EYS: variants seen among roughly 807,000 people sequenced by gnomAD.
EYS encodes the protein protein eyes shut homolog.
EYS carries 250 observed loss-of-function variants against 282.1 expected under a neutral mutation model. The ratio of observed to expected loss-of-function variants is 0.89; its 90% CI spans 0.80 to 0.98. The LOEUF (loss-of-function observed/expected upper bound fraction) is 0.98, where lower values mean the gene tolerates loss of function less well. Among genes scored for constraint, EYS ranks in the 50% least tolerant of loss-of-function variants. EYS has a pLI of 0.00. For synonymous variants in EYS, 1,355 were observed against 1,282.9 expected (o/e 1.06, Z -1.20); for missense variants, 4,016 against 3,709.0 (o/e 1.08, Z -2.15).
At chr6:64,455,435 A>T (rs1028244337) in intron 26 of EYS, among the ~76,000 whole-genome samples, 4 of 138,046 alleles carry the variant, frequency 2.9e-5, no homozygotes, top group Admixed American at 7.3e-5. Context: ...CTTTTGTTTT[A>T]TTATTATTAT....
chr6:64,151,360 T>TATATAA (rs1562226824), intron 31 of EYS, among the ~76,000 whole-genome samples: 1 of 116,914 alleles, frequency 8.6e-6, no homozygotes, highest in Non-Finnish European at 1.7e-5. Context: ...TATATATATA[T>TATATAA]ATAATTTTTT....
At chr6:65,211,894 G>A (rs1054230736) in intron 12 of EYS, among the ~76,000 whole-genome samples, 10 of 151,936 alleles carry the variant, frequency 6.6e-5, no homozygotes, top group African/African-American at 2.2e-4. Context: ...GAAACCCAAA[G>A]TAGGTTAAAA....
intron 2 of EYS, among the ~76,000 whole-genome samples, chr6:65,614,609 C>T (rs1302720862): frequency 6.6e-6 from 1 of 151,948 alleles, no homozygotes; most frequent in Admixed American, 6.6e-5. Context: ...TAAGAATGAA[C>T]TAGGTGTACT....
intron 12 of EYS, among the ~76,000 whole-genome samples, chr6:65,234,472 C>A (rs1400647898): frequency 6.6e-6 from 1 of 152,122 alleles, no homozygotes; most frequent in African/African-American, 2.4e-5. Context: ...TCATTAGTTT[C>A]TATATATTGT....
rs537960151 is a variant in EYS, at chr6:64,956,984, A to T, written c.2260-11070T>A. Among the ~76,000 whole-genome samples the T allele has an allele frequency of 2.0e-5, 3 of 152,324 alleles. No homozygotes were observed. The South Asian group carries it at 6.2e-4, about 32-fold the overall frequency. ...ACTTATACTGTTGATGTGAATGTAA[A>T]TCAGTACAGTCACTATGGAAAACAA... On this transcript the variant is annotated intron_variant, in intron 14 of 42. Transcript: ENST00000503581.
chr6:64,413,181 T>G (rs1037926209), intron 28 of EYS, among the ~76,000 whole-genome samples: 1 of 152,096 alleles, frequency 6.6e-6, no homozygotes. Context: ...TCCCCTCTAC[T>G]CTGCCATAGT....
At chr6:64,866,972 T>C (rs373715907) in intron 19 of EYS, among the ~76,000 whole-genome samples, 32 of 151,968 alleles carry the variant, frequency 2.1e-4, no homozygotes, top group African/African-American at 4.3e-4. Flanking sequence ...TGTATACATA[T>C]GCCTGGTAAG....
intron 2 of EYS, among the ~76,000 whole-genome samples, chr6:65,632,561 T>C (rs1031932416): frequency 1.3e-4 from 20 of 152,224 alleles, no homozygotes; most frequent in Non-Finnish European, 2.8e-4. Flanking sequence ...CCAAATTTCA[T>C]TTTATGCTAC....
intron 29 of EYS, among the ~76,000 whole-genome samples, chr6:64,372,137 T>TTTTTTTTG (rs1772397261): frequency 1.2e-4 from 3 of 24,638 alleles, no homozygotes; most frequent in African/African-American, 2.6e-4. Flanking sequence ...TGTGTTTTTT[T>TTTTTTTTG]TTTTTTTTTT....
intron 35 of EYS, among the ~76,000 whole-genome samples, chr6:63,871,506 C>A (rs1581916426): frequency 6.6e-6 from 1 of 151,874 alleles, no homozygotes; most frequent in African/African-American, 2.4e-5. Context: ...ACTAAAAATA[C>A]AAACAATTAG....
At chr6:65,254,064 G>C (rs144541317) in intron 12 of EYS, among the ~76,000 whole-genome samples, 10 of 151,702 alleles carry the variant, frequency 6.6e-5, no homozygotes, top group Admixed American at 3.3e-4. Flanking sequence ...TTCTAAGAAG[G>C]CTTGCTAAAA....
Position 63,763,870 on chromosome 6 carries a change from T to TTATATATATA in EYS, c.7899-1247_7899-1238dup, listed in dbSNP as rs55668347. 4.3e-3 allele frequency among the ~76,000 whole-genome samples: 556 copies of TTATATATATA among 129,600 alleles called. 4 individuals carry two copies. The highest frequency in any genetic ancestry group is 0.011 in the African/African-American group (380 of 35,214). The allele number at this position is 129,600 out of a possible 152,430, so 85.0% of individuals were successfully genotyped here. A position where few individuals can be genotyped will look rare whatever the true frequency, so the allele number is the denominator to read the frequency against. ...TTTGAGATTTTATTGTTATATCTTG[T>TTATATATATA]TATATATATATATATATATATATAT... On this transcript the variant is annotated intron_variant, in intron 40 of 42. Coordinates refer to ENST00000503581, the MANE Select transcript of EYS (RefSeq NM_001142800.2).
chr6:64,962,851 T>G lies in EYS; in HGVS notation c.2260-16937A>C, dbSNP rs73767202. Among the ~76,000 whole-genome samples the G allele has an allele frequency of 8.3e-3, 1,268 of 152,232 alleles. 19 individuals carry two copies. Among genetic ancestry groups the G allele is most frequent in the African/African-American group, 0.029 (1,207 of 41,548 alleles). Reference sequence around the variant, plus strand: ...AAGTATATCTTAATTAAAAAATGATTTAGGTGGTATAAACATTTGTATCAA... The same window carrying G: ...AAGTATATCTTAATTAAAAAATGATGTAGGTGGTATAAACATTTGTATCAA... On this transcript the variant is annotated intron_variant, in intron 14 of 42. Coordinates refer to ENST00000503581, the MANE Select transcript of EYS (RefSeq NM_001142800.2).
At chr6:64,441,927 C>A (rs575496226) in intron 26 of EYS, among the ~76,000 whole-genome samples, 1 of 152,078 alleles carries the variant, frequency 6.6e-6, no homozygotes, top group Non-Finnish European at 1.5e-5. Context: ...CAGATTAATG[C>A]AGTAAATTGG....
Position 64,230,949 on chromosome 6 carries a change from G to C in EYS, c.6192-125C>G, listed in dbSNP as rs1766409655. ...AACCAATACTGATCAAGGTTTAACT[G>C]AGGACAAATAAAATTATCATGTTTG... is the stretch of plus-strand genomic sequence containing the variant. On this transcript the variant is annotated intron_variant, in intron 30 of 42. Transcript: ENST00000503581. The C allele has an allele frequency of 2.1e-5, 11 of 524,578 alleles. No individual in the cohort carries two copies. In the South Asian group the frequency reaches 4.3e-4, roughly 20 times the overall value. 32.5% of individuals were successfully genotyped at this position (524,578 alleles called of 1,614,324 possible).
chr6:64,339,312 G>A (rs1354745332), intron 29 of EYS, among the ~76,000 whole-genome samples: 1 of 151,692 alleles, frequency 6.6e-6, no homozygotes, highest in African/African-American at 2.4e-5. Context: ...ATCAAAAGTG[G>A]GTTAAGGACA....
chr6:64,392,125 G>A (rs1425830079), intron 28 of EYS, among the ~76,000 whole-genome samples: 2 of 150,934 alleles, frequency 1.3e-5, no homozygotes, highest in African/African-American at 4.9e-5. Context: ...GATCCATAAA[G>A]CAAGTCCTGA....
chr6:65,311,780 A>G (rs1287553209), intron 11 of EYS, among the ~76,000 whole-genome samples: 1 of 152,182 alleles, frequency 6.6e-6, no homozygotes, highest in African/African-American at 2.4e-5. Flanking sequence ...TCTCCAAATT[A>G]TCACTCATTA....
chr6:64,631,403 A>G (rs1767776724), intron 22 of EYS: 1 of 152,142 alleles, frequency 6.6e-6, no homozygotes, highest in Non-Finnish European at 1.5e-5. Flanking sequence ...CCTGGCCTAG[A>G]TACTTTCCCA....
Sources: allele counts gnomAD v4.1 joint callset (sites outside exome capture counted in the v4.1 genomes callset), GRCh38; gene constraint gnomAD v4.1.1; transcripts MANE v1.5; gene names NCBI Gene and HGNC (gene_info 2026-07-23, HGNC 2026-07-21).